The following IKZF2 variants were observed in gnomAD, a reference collection of about 807,000 sequenced individuals.
The protein encoded by IKZF2 is IKAROS family zinc finger 2.
In IKZF2, 15 loss-of-function variants were observed where a neutral mutation model predicts 49.2. That is an observed-to-expected ratio of 0.30 (90% CI 0.20 to 0.47). The LOEUF is 0.47. Among genes scored for constraint, IKZF2 ranks in the 20% least tolerant of loss-of-function variants. The pLI is 1.00. For synonymous variants in IKZF2, 227 were observed against 221.4 expected (o/e 1.03, Z -0.23); for missense variants, 567 against 664.6 (o/e 0.85, Z 1.61).
At chr2:213,033,880 G>C (rs1398076311) in intron 6 of IKZF2, among the ~76,000 whole-genome samples, 1 of 152,170 alleles carries the variant, frequency 6.6e-6, no homozygotes, top group African/African-American at 2.4e-5. Flanking sequence ...CCCAGGCACT[G>C]ACTTCTCCTC....
intron 6 of IKZF2, among the ~76,000 whole-genome samples, chr2:213,027,068 C>T (rs1022743998): frequency 1.3e-5 from 2 of 152,016 alleles, no homozygotes; most frequent in Non-Finnish European, 2.9e-5. Flanking sequence ...TAATCAAAAT[C>T]CCAAAAAGCA....
intron 6 of IKZF2, among the ~76,000 whole-genome samples, chr2:213,034,275 T>C (rs1482864866): frequency 6.6e-6 from 1 of 152,258 alleles, no homozygotes; most frequent in Non-Finnish European, 1.5e-5. Flanking sequence ...TGCTTTCTTA[T>C]CACTTGTGTG....
chr2:213,031,240 G>C (rs11888736), intron 6 of IKZF2, among the ~76,000 whole-genome samples: 35,354 of 152,128 alleles, frequency 0.23, 4,584 homozygotes, highest in Non-Finnish European at 0.28. Flanking sequence ...CCACGTTCTA[G>C]GTGCTGTAGA....
intron 4 of IKZF2, among the ~76,000 whole-genome samples, chr2:213,109,149 G>A (rs995953870): frequency 5.9e-5 from 9 of 151,910 alleles, no homozygotes; most frequent in South Asian, 2.1e-4. Flanking sequence ...TTAATTCTCC[G>A]TATTAAATAA....
chr2:213,096,152 T>C (rs958039723), intron 4 of IKZF2, among the ~76,000 whole-genome samples: 3 of 151,932 alleles, frequency 2.0e-5, no homozygotes, highest in Non-Finnish European at 2.9e-5. Flanking sequence ...GAGAGCATCA[T>C]ACTCTAAACT....
intron 6 of IKZF2, among the ~76,000 whole-genome samples, chr2:213,034,464 T>C (rs1372380650): frequency 6.6e-6 from 1 of 152,200 alleles, no homozygotes; most frequent in Non-Finnish European, 1.5e-5. Context: ...TTCCTTTAAC[T>C]TGAACACTTA....
intron 5 of IKZF2, among the ~76,000 whole-genome samples, chr2:213,054,469 T>C (rs1700962294): frequency 6.6e-6 from 1 of 152,092 alleles, no homozygotes; most frequent in African/African-American, 2.4e-5. Flanking sequence ...ATTAAAGAAA[T>C]GCAAATAGAC....
At chr2:213,145,131 C>T (rs570918511) in intron 4 of IKZF2, among the ~76,000 whole-genome samples, 2 of 150,598 alleles carry the variant, frequency 1.3e-5, no homozygotes, top group South Asian at 2.1e-4. Flanking sequence ...AGCTCTCATG[C>T]CTTATTGATA....
chr2:213,095,920 A>G (rs889575518), intron 4 of IKZF2, among the ~76,000 whole-genome samples: 15 of 152,028 alleles, frequency 9.9e-5, no homozygotes, highest in Non-Finnish European at 1.2e-4. Flanking sequence ...AAGTAGTATG[A>G]CTTGGAGAAA....
At chr2:213,029,979 C>T (rs1228182347) in intron 6 of IKZF2, among the ~76,000 whole-genome samples, 1 of 152,048 alleles carries the variant, frequency 6.6e-6, no homozygotes, top group Non-Finnish European at 1.5e-5. Context: ...CATTTGTTTG[C>T]TGTCCTTTCA....
intron 3 of IKZF2, among the ~76,000 whole-genome samples, chr2:213,148,385 G>T (rs2061153678): frequency 6.6e-6 from 1 of 152,140 alleles, no homozygotes. Context: ...ATTGATTTAA[G>T]TACACTACTT....
rs948772977 is a variant in IKZF2 at position 213,006,580 on chromosome 2, C to T, written c.*780G>A. The T allele has an allele frequency of 6.6e-6, 1 of 152,388 alleles. No homozygotes were observed. Among genetic ancestry groups the T allele is most frequent in the Non-Finnish European group, 1.5e-5 (1 of 67,958 alleles). 9.4% of individuals were successfully genotyped at this position (152,388 alleles called of 1,614,324 possible). On this transcript the variant is annotated 3_prime_UTR_variant, in exon 9 of 9. Transcript: ENST00000434687. The stretch of plus-strand genomic sequence containing the variant: ...CTTAGACCATATGTTATTCTGAAAA[C>T]TACATAAAAATACTATTCCTTAAAG...
intron 4 of IKZF2, among the ~76,000 whole-genome samples, chr2:213,110,584 A>C (rs1574880083): frequency 1.3e-5 from 2 of 152,082 alleles, no homozygotes; most frequent in East Asian, 3.9e-4. Context: ...CATTGTTTGC[A>C]CAATGTTTCC....
At chr2:213,069,827 T>C (rs1482873978) in intron 4 of IKZF2, among the ~76,000 whole-genome samples, 4 of 152,126 alleles carry the variant, frequency 2.6e-5, no homozygotes, top group African/African-American at 9.7e-5. Flanking sequence ...GTTAGCAATA[T>C]GTTTTTGGCA....
intron 4 of IKZF2, among the ~76,000 whole-genome samples, chr2:213,063,193 T>C (rs1701864160): frequency 6.6e-6 from 1 of 152,056 alleles, no homozygotes; most frequent in African/African-American, 2.4e-5. Context: ...GCATTCTAAA[T>C]CTGTATATCA....
intron 4 of IKZF2, among the ~76,000 whole-genome samples, chr2:213,135,954 G>A (rs1168076887): frequency 6.6e-6 from 1 of 151,608 alleles, no homozygotes; most frequent in Non-Finnish European, 1.5e-5. Flanking sequence ...GGAGGCTGAG[G>A]CAGGAGAATT....
chr2:213,089,181 T>C (rs1228360578), intron 4 of IKZF2, among the ~76,000 whole-genome samples: 1 of 152,154 alleles, frequency 6.6e-6, no homozygotes, highest in African/African-American at 2.4e-5. Context: ...AGCCAAACAC[T>C]AGCAGTCACT....
intron 6 of IKZF2, among the ~76,000 whole-genome samples, chr2:213,032,902 G>A (rs907401412): frequency 1.3e-5 from 2 of 152,200 alleles, no homozygotes; most frequent in African/African-American, 4.8e-5. Context: ...TGCCACATCA[G>A]TCAACACTTC....
chr2:213,054,940 A>G (rs1222997205), intron 5 of IKZF2, among the ~76,000 whole-genome samples: 1 of 152,146 alleles, frequency 6.6e-6, no homozygotes, highest in Non-Finnish European at 1.5e-5. Flanking sequence ...TTTATTTACA[A>G]ATTAACAATC....
Sources: gnomAD v4.1 joint callset for allele counts (sites outside exome capture counted in the v4.1 genomes callset) on GRCh38, gnomAD v4.1.1 for gene constraint, MANE v1.5 for transcripts, NCBI Gene and HGNC (gene_info 2026-07-23, HGNC 2026-07-21) for gene names.